Variants in PHLDB2 observed in about 807,000 individuals in gnomAD.
PHLDB2 encodes pleckstrin homology-like domain family B member 2.
In PHLDB2, 71 loss-of-function variants were observed where a neutral mutation model predicts 123.6. The observed-to-expected ratio is 0.57, with a 90% CI of 0.47 to 0.70. PHLDB2 has a LOEUF of 0.70. Among genes scored for constraint, PHLDB2 ranks in the 30% least tolerant of loss-of-function variants. The pLI is 0.00. For missense variants in PHLDB2, 1,446 were observed against 1,519.5 expected (o/e 0.95, Z 0.80); for synonymous variants, 547 against 541.6 (o/e 1.01, Z -0.14).
At chr3:111,937,565 C>T (rs2069576102) in intron 6 of PHLDB2, among the ~76,000 whole-genome samples, 1 of 151,854 alleles carries the variant, frequency 6.6e-6, no homozygotes, top group African/African-American at 2.4e-5. Flanking sequence ...GAGTGGATTG[C>T]TTGAGTTTGA....
At chr3:111,737,486 G>T (rs2059530194) in intron 1 of PHLDB2, among the ~76,000 whole-genome samples, 1 of 152,110 alleles carries the variant, frequency 6.6e-6, no homozygotes, top group South Asian at 2.1e-4. Context: ...CCTCTCTACA[G>T]TTCCAAGGTC....
intron 1 of PHLDB2, among the ~76,000 whole-genome samples, chr3:111,755,075 G>T (rs1268839802): frequency 6.6e-6 from 1 of 151,246 alleles, no homozygotes; most frequent in Admixed American, 6.6e-5. Flanking sequence ...GAGGATTTTC[G>T]CATCAATGTT....
intron 6 of PHLDB2, among the ~76,000 whole-genome samples, chr3:111,933,865 C>A (rs1237327307): frequency 1.3e-5 from 2 of 152,160 alleles, no homozygotes; most frequent in African/African-American, 4.8e-5. Context: ...TTACAGTCAG[C>A]AGCATAGTTG....
At chr3:111,912,083 C>A (rs2067915233) in intron 2 of PHLDB2, among the ~76,000 whole-genome samples, 1 of 151,916 alleles carries the variant, frequency 6.6e-6, no homozygotes, top group African/African-American at 2.4e-5. Context: ...CGTGTGAAGC[C>A]TCTTCTCAGT....
At chr3:111,905,293 T>G (rs75090012) in intron 2 of PHLDB2, among the ~76,000 whole-genome samples, 4,225 of 152,260 alleles carry the variant, frequency 0.028, 124 homozygotes, top group South Asian at 0.12. Context: ...ACAGTAACCC[T>G]TTCAGTTGGG....
intron 1 of PHLDB2, among the ~76,000 whole-genome samples, chr3:111,754,009 A>G (rs2059834285): frequency 6.6e-6 from 1 of 152,080 alleles, no homozygotes; most frequent in Non-Finnish European, 1.5e-5. Flanking sequence ...ATTGATCTAT[A>G]TCTCTGTTTT....
At chr3:111,831,242 CAA>C (rs1576790814) in intron 1 of PHLDB2, among the ~76,000 whole-genome samples, 1 of 152,152 alleles carries the variant, frequency 6.6e-6, no homozygotes, top group East Asian at 1.9e-4. Context: ...TTTAAAATCT[CAA>C]ATGTATTATT....
In PHLDB2 at chr3:111,866,161, G is replaced by A. The variant is rs1576934776; in HGVS notation, c.-15+6585G>A. ...AGCCTCCCGAGTAGCTGGGATTACA[G>A]GCATGCACCACCACACCCAGCTAAT... On this transcript the variant is annotated intron_variant, in intron 1 of 17. Coordinates refer to ENST00000431670, the MANE Select transcript of PHLDB2 (RefSeq NM_001134438.2). 4.6e-5 allele frequency among the ~76,000 whole-genome samples: 7 copies of A among 151,558 alleles called. No individual in the cohort carries two copies. The South Asian group carries it at 1.5e-3, about 32-fold the overall frequency.
At chr3:111,850,961 C>G (rs191663009) in intron 2 of PHLDB2, among the ~76,000 whole-genome samples, 16 of 151,756 alleles carry the variant, frequency 1.1e-4, no homozygotes, top group East Asian at 1.9e-4. Context: ...TTTGGGAGGC[C>G]GAGTCAGGCA....
intron 16 of PHLDB2, among the ~76,000 whole-genome samples, chr3:111,972,514 C>T (rs2072267132): frequency 7.0e-6 from 1 of 143,550 alleles, no homozygotes; most frequent in African/African-American, 2.5e-5. Flanking sequence ...TTTATCATTA[C>T]AAAAGTTCTG....
intron 13 of PHLDB2, among the ~76,000 whole-genome samples, chr3:111,963,214 C>T (rs1271410617): frequency 1.3e-5 from 2 of 152,104 alleles, no homozygotes; most frequent in African/African-American, 4.8e-5. Flanking sequence ...CACTCTAGGT[C>T]CAGCCCAACT....
chr3:111,971,895 T>A (rs1254785511), intron 16 of PHLDB2, among the ~76,000 whole-genome samples: 1 of 152,034 alleles, frequency 6.6e-6, no homozygotes, highest in Admixed American at 6.6e-5. Flanking sequence ...TTTAGGAGAG[T>A]CTCTAAAGAA....
At chr3:111,913,283 A>T in intron 2 of PHLDB2, 36 bp from the exon 3 acceptor site, 1 of 1,501,274 alleles carries the variant, frequency 6.7e-7, no homozygotes, top group East Asian at 2.3e-5. Context: ...TCATTCTCAC[A>T]AACCCACTGA....
chr3:111,786,756 A>G (rs547260400), intron 1 of PHLDB2, among the ~76,000 whole-genome samples: 1 of 152,226 alleles, frequency 6.6e-6, no homozygotes, highest in Admixed American at 6.5e-5. Flanking sequence ...AGAGAGTTGA[A>G]CTAAAATATC....
chr3:111,863,213 A>G (rs1378471353), intron 1 of PHLDB2, among the ~76,000 whole-genome samples: 2 of 152,158 alleles, frequency 1.3e-5, no homozygotes, highest in Non-Finnish European at 2.9e-5. Context: ...TGTCCTTTCC[A>G]TGGCAAAGTA....
intron 3 of PHLDB2, 95 bp from the exon 4 acceptor site, chr3:111,918,977 T>C: frequency 7.7e-7 from 1 of 1,306,900 alleles, no homozygotes; most frequent in Non-Finnish European, 1.1e-6. Flanking sequence ...GCATGGAGAC[T>C]GTGAGACCCT....
rs370058164 is a variant in PHLDB2 at position 111,875,226 on chromosome 3, A to G, written c.-14-8838A>G. Among the ~76,000 whole-genome samples, 44 of 151,968 alleles carry G rather than the reference A, an allele frequency of 2.9e-4. No homozygotes were observed. In the South Asian group the frequency reaches 3.9e-3, roughly 14 times the overall value. ...TGCAATGGCACAATCTCAGCTCACCACAACCTCCGCCTCCCGGGTTCAGGT... is the reference window on the plus strand; with the variant it reads ...TGCAATGGCACAATCTCAGCTCACCGCAACCTCCGCCTCCCGGGTTCAGGT... On this transcript the variant is annotated intron_variant, in intron 1 of 17. Coordinates refer to ENST00000431670, the MANE Select transcript of PHLDB2 (RefSeq NM_001134438.2).
chr3:111,748,396 T>C (rs62275534), intron 1 of PHLDB2, among the ~76,000 whole-genome samples: 177 of 152,320 alleles, frequency 1.2e-3, no homozygotes, highest in Non-Finnish European at 2.0e-3. Flanking sequence ...GCTTGGGCTT[T>C]CTTTATTGGT....
intron 1 of PHLDB2, among the ~76,000 whole-genome samples, chr3:111,842,722 A>T (rs2063748880): frequency 6.6e-6 from 1 of 152,208 alleles, no homozygotes; most frequent in South Asian, 2.1e-4. Flanking sequence ...TCTCAAAAGA[A>T]AATCCACACC....
Sources: allele counts gnomAD v4.1 joint callset (sites outside exome capture counted in the v4.1 genomes callset), GRCh38; gene constraint gnomAD v4.1.1; transcripts MANE v1.5; gene names NCBI Gene and HGNC (gene_info 2026-07-23, HGNC 2026-07-21).